The following OR51B5 variants were observed in gnomAD, a reference collection of about 807,000 sequenced individuals.
The protein encoded by OR51B5 is olfactory receptor 51B5.
For synonymous variants in OR51B5, 186 were observed against 144.8 expected, an observed-to-expected ratio of 1.28 and a Z score of -2.04; for missense variants, 456 against 374.6, an observed-to-expected ratio of 1.22 and a Z score of -1.79.
intron 1 of OR51B5, among the ~76,000 whole-genome samples, chr11:5,445,192 T>C (rs1479599460): frequency 6.6e-6 from 1 of 152,144 alleles, no homozygotes; most frequent in Non-Finnish European, 1.5e-5. Context: ...AGAAAAAGAC[T>C]ATGAAATAGA....
Position 5,376,055 on chromosome 11 carries a change from C to G in OR51B5, n.85-29145G>C, listed in dbSNP as rs1345367301. 9.2e-5 allele frequency among the ~76,000 whole-genome samples: 14 copies of G among 152,142 alleles called. No homozygotes were observed. The South Asian group carries it at 2.7e-3, about 29-fold the overall frequency. ...CACCTATTCCAAAATTGACCACATA[C>G]TTGGAAGTAAAGCTCTCCTCAGCAA... On this transcript the variant is annotated intron_variant and non_coding_transcript_variant, in intron 1 of 4. Transcript: ENST00000415970.
At chr11:5,408,310 A>G (rs967456827) in intron 1 of OR51B5, among the ~76,000 whole-genome samples, 3 of 151,934 alleles carry the variant, frequency 2.0e-5, no homozygotes, top group Non-Finnish European at 4.4e-5. Flanking sequence ...AAAACCTCCT[A>G]GCTTAACACT....
At chr11:5,493,934 G>A (rs1456372242) in intron 1 of OR51B5, among the ~76,000 whole-genome samples, 2 of 152,092 alleles carry the variant, frequency 1.3e-5, no homozygotes, top group Non-Finnish European at 2.9e-5. Flanking sequence ...TTTTTACATT[G>A]TAATTTGTTT....
intron 1 of OR51B5, among the ~76,000 whole-genome samples, chr11:5,402,026 C>T (rs867544349): frequency 2.2e-5 from 3 of 138,308 alleles, no homozygotes; most frequent in Non-Finnish European, 4.8e-5. Context: ...CTTTTCTCTT[C>T]CTTTTTCTTT....
At chr11:5,500,140 G>A (rs768395603) in intron 1 of OR51B5, among the ~76,000 whole-genome samples, 10 of 152,046 alleles carry the variant, frequency 6.6e-5, no homozygotes, top group Non-Finnish European at 1.2e-4. Flanking sequence ...GAAGCAATGG[G>A]GATCTACGCC....
intron 1 of OR51B5, among the ~76,000 whole-genome samples, chr11:5,476,922 A>G (rs1851315621): frequency 6.6e-6 from 1 of 152,018 alleles, no homozygotes; most frequent in Non-Finnish European, 1.5e-5. Context: ...GAAAAACAGG[A>G]AGATATTGGT....
intron 1 of OR51B5, chr11:5,362,538 G>A (rs1166634313): frequency 2.5e-5 from 4 of 160,426 alleles, no homozygotes; most frequent in Non-Finnish European, 4.1e-5. Context: ...GAGCAGAGAT[G>A]AAGTCAGGAA....
intron 1 of OR51B5, among the ~76,000 whole-genome samples, chr11:5,415,954 C>A (rs936629537): frequency 6.9e-6 from 1 of 145,688 alleles, no homozygotes; most frequent in Non-Finnish European, 1.5e-5. Flanking sequence ...GATACCAAAG[C>A]CGGGCAGAGA....
chr11:5,422,020 T>C, intron 1 of OR51B5: 1 of 560,978 alleles, frequency 1.8e-6, no homozygotes, highest in Non-Finnish European at 3.1e-6. Flanking sequence ...GTCTGCAGAA[T>C]TGGGCTAAGG....
chr11:5,359,743 A>G (rs1277278746), intron 1 of OR51B5, among the ~76,000 whole-genome samples: 1 of 151,084 alleles, frequency 6.6e-6, no homozygotes, highest in Non-Finnish European at 1.5e-5. Flanking sequence ...ACTTCAAACT[A>G]TACTACAAGG....
rs555530614 is a variant in OR51B5, at chr11:5,351,413, T to G, written n.85-4503A>C. On this transcript the variant is annotated intron_variant and non_coding_transcript_variant, in intron 1 of 4. Transcript: ENST00000415970. ...CTGAAAGTCAGGACTGGTGAACATC[T>G]TATGAACAGGTAGAATTCTCAAGGA... The G allele has an allele frequency of 2.1e-5, 13 of 625,416 alleles. No individual in the cohort carries two copies. In the South Asian group the frequency reaches 2.5e-4, roughly 12 times the overall value. The allele number at this position is 625,416 out of a possible 1,614,324, so 38.7% of individuals were successfully genotyped here. A position where few individuals can be genotyped will look rare whatever the true frequency, so the allele number is the denominator to read the frequency against.
chr11:5,505,190 A>G (rs568178645), intron 1 of OR51B5, among the ~76,000 whole-genome samples: 18 of 152,186 alleles, frequency 1.2e-4, no homozygotes, highest in African/African-American at 4.1e-4. Flanking sequence ...ACTTCATATG[A>G]CCCTCAGGTT....
chr11:5,488,590 C>T, intron 1 of OR51B5: 1 of 819,512 alleles, frequency 1.2e-6, no homozygotes, highest in Non-Finnish European at 1.9e-6. Context: ...TTTTTTTAGT[C>T]TAAAAAAGAT....
At chr11:5,350,877 A>G (rs1338405232) in intron 1 of OR51B5, among the ~76,000 whole-genome samples, 4 of 152,198 alleles carry the variant, frequency 2.6e-5, no homozygotes, top group Non-Finnish European at 5.9e-5. Context: ...TAACTACCCA[A>G]AAGTCTCTGG....
At chr11:5,505,206 T>A (rs937019635) in intron 1 of OR51B5, 154 of 894,572 alleles carry the variant, frequency 1.7e-4, no homozygotes, top group Admixed American at 3.0e-4. Flanking sequence ...AGGTTTTCTT[T>A]GGCTCAAATG....
intron 1 of OR51B5, among the ~76,000 whole-genome samples, chr11:5,475,076 A>C (rs575227511): frequency 6.6e-6 from 1 of 152,108 alleles, no homozygotes. Flanking sequence ...AATCCTGAAT[A>C]TTTTTCTGCT....
chr11:5,479,052 A>T (rs1851366666), intron 1 of OR51B5, among the ~76,000 whole-genome samples: 4 of 152,150 alleles, frequency 2.6e-5, no homozygotes, highest in African/African-American at 9.6e-5. Flanking sequence ...TCCAAGACAC[A>T]TAATTATCAG....
intron 1 of OR51B5, among the ~76,000 whole-genome samples, chr11:5,467,083 C>A (rs188443345): frequency 6.6e-6 from 1 of 152,268 alleles, no homozygotes; most frequent in Non-Finnish European, 1.5e-5. Context: ...TGAGGACCAC[C>A]ACAGCACTTC....
intron 1 of OR51B5, among the ~76,000 whole-genome samples, chr11:5,493,463 G>T (rs1043590975): frequency 2.0e-5 from 3 of 152,080 alleles, no homozygotes; most frequent in Non-Finnish European, 2.9e-5. Flanking sequence ...GATAAATAAA[G>T]AATTATCTCA....
Sources: gnomAD v4.1 joint callset for allele counts (sites outside exome capture counted in the v4.1 genomes callset) on GRCh38, gnomAD v4.1.1 for gene constraint, MANE v1.5 for transcripts, NCBI Gene and HGNC (gene_info 2026-07-23, HGNC 2026-07-21) for gene names.